Variants in PTPRT observed in about 807,000 individuals in gnomAD.
PTPRT encodes the protein protein tyrosine phosphatase receptor type T.
Under a neutral mutation model 176.8 loss-of-function variants are expected in PTPRT, and 56 were observed. The observed-to-expected ratio is 0.32, with a 90% CI of 0.26 to 0.40. The LOEUF (loss-of-function observed/expected upper bound fraction) is 0.40, where lower values mean the gene tolerates loss of function less well. Ranked by LOEUF, PTPRT falls within the 10% of genes least tolerant of loss-of-function variation. The pLI is 1.00. For missense variants in PTPRT, 1,540 were observed against 1,908.2 expected, an observed-to-expected ratio of 0.81 and a Z score of 3.60; for synonymous variants, 783 against 739.0, an observed-to-expected ratio of 1.06 and a Z score of -0.96.
At chr20:42,186,687 C>T (rs1990796529) in intron 16 of PTPRT, among the ~76,000 whole-genome samples, 2 of 152,042 alleles carry the variant, frequency 1.3e-5, no homozygotes, top group South Asian at 4.2e-4. Context: ...AGTGGTACAA[C>T]GTGTTTAGAT....
At chr20:42,813,366 T>C (rs1294802235) in intron 2 of PTPRT, among the ~76,000 whole-genome samples, 1 of 152,012 alleles carries the variant, frequency 6.6e-6, no homozygotes, top group African/African-American at 2.4e-5. Context: ...CCCTGCTTGC[T>C]TGCATCCCTT....
intron 2 of PTPRT, among the ~76,000 whole-genome samples, chr20:42,829,041 C>G (rs141577766): frequency 4.8e-4 from 73 of 152,234 alleles, no homozygotes; most frequent in Non-Finnish European, 7.8e-4. Context: ...GCACTCCACA[C>G]AAGCCCATGA....
chr20:42,253,630 C>T (rs1045006953), intron 13 of PTPRT, among the ~76,000 whole-genome samples: 1 of 152,116 alleles, frequency 6.6e-6, no homozygotes, highest in African/African-American at 2.4e-5. Context: ...TCAGAATTGG[C>T]ATCTAGGCAG....
the PTPRT span, among the ~76,000 whole-genome samples, chr20:42,052,784 G>C: frequency 6.6e-6 from 1 of 152,120 alleles, no homozygotes; most frequent in Non-Finnish European, 1.5e-5. Context: ...CAGGGCTCCT[G>C]CAGGCTGGAG....
rs368134945 is a variant in PTPRT, at chr20:42,628,641, T to C, written c.1153+49225A>G. ...AAGCACTTAATATACAATATCTGAT[T>C]AAATTTTAACAATACCCTGGAAGTT... On this transcript the variant is annotated intron_variant, in intron 7 of 30. Transcript: ENST00000373187. Among the ~76,000 whole-genome samples the C allele has an allele frequency of 3.3e-5, 5 of 152,284 alleles. No homozygotes were observed. The South Asian group carries it at 6.2e-4, about 19-fold the overall frequency.
intron 13 of PTPRT, among the ~76,000 whole-genome samples, chr20:42,255,167 C>CA (rs1476289726): frequency 2.6e-5 from 4 of 152,130 alleles, no homozygotes; most frequent in Non-Finnish European, 4.4e-5. Context: ...TGAGTCTAGT[C>CA]AAAAGCATTG....
rs1369805737 is a variant in PTPRT at position 43,091,469 on chromosome 20, CTTTCTCTCTCTCTCTCTCTCTA to C, written c.88+98155_88+98176del. 1.4e-4 allele frequency among the ~76,000 whole-genome samples: 18 copies of C among 129,434 alleles called. No individual in the cohort carries two copies. The South Asian group carries it at 3.5e-3, about 25-fold the overall frequency. The allele number at this position is 129,434 out of a possible 152,430, so 84.9% of individuals were successfully genotyped here. On this transcript the variant is annotated intron_variant, in intron 1 of 30. Transcript: ENST00000373187. ...TTCTCTCTCTCTCTCTCCCCCCTCT[CTTTCTCTCTCTCTCTCTCTCTA>C]TTTCTCTCTCTCTCTCTCCCCCCTC...
At chr20:42,159,357 G>C (rs537143047) in intron 17 of PTPRT, among the ~76,000 whole-genome samples, 1 of 151,472 alleles carries the variant, frequency 6.6e-6, no homozygotes, top group South Asian at 2.1e-4. Context: ...ATCCTCTGAA[G>C]GCCATGCTGT....
intron 9 of PTPRT, among the ~76,000 whole-genome samples, chr20:42,438,808 C>A (rs1225117880): frequency 6.6e-6 from 1 of 152,220 alleles, no homozygotes; most frequent in East Asian, 1.9e-4. Context: ...ACAAGTGCTA[C>A]ACATCTGTTG....
intron 6 of PTPRT, among the ~76,000 whole-genome samples, chr20:42,737,556 C>A (rs1456990457): frequency 1.3e-5 from 2 of 151,428 alleles, no homozygotes; most frequent in African/African-American, 4.9e-5. Context: ...GGCTTGAACC[C>A]GGGAGACGGA....
intron 20 of PTPRT, among the ~76,000 whole-genome samples, chr20:42,119,072 C>A (rs954539733): frequency 4.9e-5 from 7 of 144,158 alleles, no homozygotes; most frequent in Non-Finnish European, 9.1e-5. Flanking sequence ...CTCTGACAGT[C>A]CAAAGCAATT....
Position 42,184,518 on chromosome 20 carries a change from C to CCTCCTTCTT in PTPRT, c.2491+14721_2491+14722insAAGAAGGAG, listed in dbSNP as rs1555797922. Reference sequence around the variant, plus strand: ...CTCCCCCCTTCCTCCTCCTCCTCCTCCTTCTTCTTCTTCTTCCTCTTCCTC... The same window carrying CCTCCTTCTT: ...CTCCCCCCTTCCTCCTCCTCCTCCTCCTCCTTCTTCTTCTTCTTCTTCTTCCTCTTCCTC... On this transcript the variant is annotated intron_variant, in intron 16 of 30. Coordinates refer to ENST00000373187, the MANE Select transcript of PTPRT (RefSeq NM_007050.6). Among the ~76,000 whole-genome samples, 190 of 54,468 alleles carry CCTCCTTCTT rather than the reference C, an allele frequency of 3.5e-3. 1 individual carries two copies. Among genetic ancestry groups the CCTCCTTCTT allele is most frequent in the Non-Finnish European group, 5.1e-3 (110 of 21,622 alleles). The allele number at this position is 54,468 out of a possible 152,430, so 35.7% of individuals were successfully genotyped here. A position where few individuals can be genotyped will look rare whatever the true frequency, so the allele number is the denominator to read the frequency against.
intron 7 of PTPRT, among the ~76,000 whole-genome samples, chr20:42,599,389 G>A (rs2073735223): frequency 6.6e-6 from 1 of 152,214 alleles, no homozygotes; most frequent in South Asian, 2.1e-4. Context: ...GCAAACCACC[G>A]GAGCTTAATT....
chr20:42,543,506 T>G (rs1470528166), intron 7 of PTPRT, among the ~76,000 whole-genome samples: 1 of 152,166 alleles, frequency 6.6e-6, no homozygotes, highest in Non-Finnish European at 1.5e-5. Context: ...TGGAACGACT[T>G]CTTCCATTGA....
chr20:42,487,749 C>T (rs1159714510), intron 7 of PTPRT, among the ~76,000 whole-genome samples: 2 of 152,174 alleles, frequency 1.3e-5, no homozygotes, highest in Non-Finnish European at 2.9e-5. Context: ...CTATCTCAGA[C>T]TTCTGACCTC....
chr20:43,057,586 A>G (rs1037440780), intron 1 of PTPRT, among the ~76,000 whole-genome samples: 1 of 152,250 alleles, frequency 6.6e-6, no homozygotes, highest in Non-Finnish European at 1.5e-5. Flanking sequence ...TGACAATATT[A>G]CTATGATTAT....
chr20:42,348,233 C>A (rs1307532072), intron 11 of PTPRT, among the ~76,000 whole-genome samples: 1 of 152,098 alleles, frequency 6.6e-6, no homozygotes, highest in East Asian at 1.9e-4. Flanking sequence ...CCCTTCTAGT[C>A]AAATGCTCAA....
chr20:42,113,539 A>ACTGACTGAC (rs1312556782), intron 22 of PTPRT, among the ~76,000 whole-genome samples: 1 of 151,552 alleles, frequency 6.6e-6, no homozygotes, highest in Non-Finnish European at 1.5e-5. Context: ...CGATCAGCAG[A>ACTGACTGAC]CTGACTGACG....
chr20:42,696,486 C>G (rs183496029), intron 6 of PTPRT, among the ~76,000 whole-genome samples: 3 of 145,486 alleles, frequency 2.1e-5, no homozygotes, highest in Admixed American at 2.0e-4. Flanking sequence ...GACAGAGCCT[C>G]GCTCTGTCGC....
Sources: gnomAD v4.1 joint callset for allele counts (sites outside exome capture counted in the v4.1 genomes callset) on GRCh38, gnomAD v4.1.1 for gene constraint, MANE v1.5 for transcripts, NCBI Gene and HGNC (gene_info 2026-07-23, HGNC 2026-07-21) for gene names.